PGBD5: variants seen among roughly 807,000 people sequenced by gnomAD.
PGBD5 encodes the protein piggyBac transposable element-derived protein 5.
A neutral mutation model predicts 47.9 loss-of-function variants in PGBD5; 14 were observed. The observed-to-expected ratio is 0.29, with a 90% CI of 0.19 to 0.46. PGBD5 has a LOEUF of 0.46. Among genes scored for constraint, PGBD5 ranks in the 20% least tolerant of loss-of-function variants. The probability of loss-of-function intolerance (pLI) is 1.00; values close to 1 mark genes in which losing one functional copy is unlikely to be tolerated. For synonymous variants in PGBD5, 316 were observed against 306.3 expected (o/e 1.03, Z -0.33); for missense variants, 635 against 716.0 (o/e 0.89, Z 1.29).
intron 1 of PGBD5, chr1:230,362,459 G>C (rs1667763084): frequency 8.1e-7 from 1 of 1,234,162 alleles, no homozygotes; most frequent in Admixed American, 2.7e-5. Context: ...CCGCCTCAAG[G>C]CCTGATCCTC....
At chr1:230,403,962 G>GA (rs539860127) in intron 1 of PGBD5, among the ~76,000 whole-genome samples, 6 of 150,902 alleles carry the variant, frequency 4.0e-5, no homozygotes, top group Admixed American at 1.3e-4. Context: ...TACAGAGGAG[G>GA]AAAAAAAAAG....
intron 1 of PGBD5, among the ~76,000 whole-genome samples, chr1:230,410,246 G>A (rs1006750547): frequency 6.6e-6 from 1 of 152,104 alleles, no homozygotes; most frequent in South Asian, 2.1e-4. Context: ...AAATAATACA[G>A]CAACTAAAAA....
At chr1:230,354,484 C>A (rs1667605103) in intron 2 of PGBD5, among the ~76,000 whole-genome samples, 1 of 150,958 alleles carries the variant, frequency 6.6e-6, no homozygotes, top group Non-Finnish European at 1.5e-5. Context: ...GGGGAGGGAC[C>A]TATGATCAGC....
At position 230,323,398 on chromosome 1, in the gene PGBD5, C is replaced by T; in HGVS notation, c.*27G>A. The T allele has an allele frequency of 6.2e-7, 1 of 1,602,874 alleles. No homozygotes were observed. Among genetic ancestry groups the T allele is most frequent in the African/African-American group, 1.3e-5 (1 of 74,834 alleles). On this transcript the variant is annotated 3_prime_UTR_variant, in exon 7 of 7. Coordinates refer to ENST00000391860, the MANE Select transcript of PGBD5 (RefSeq NM_001258311.2). The surrounding 1 kb of genome is among the most constrained non-coding windows in gnomAD (Gnocchi z 4.1). ...GGCTCTCCTCCTCCTCTTGCCCCTCCCTTGACCGAGTCCTGCGCCCCCAGC... is the reference window on the plus strand; with the variant it reads ...GGCTCTCCTCCTCCTCTTGCCCCTCTCTTGACCGAGTCCTGCGCCCCCAGC...
intron 1 of PGBD5, among the ~76,000 whole-genome samples, chr1:230,363,195 G>A (rs1160846099): frequency 6.6e-6 from 1 of 152,182 alleles, no homozygotes; most frequent in Non-Finnish European, 1.5e-5. Flanking sequence ...GGTCCTGGGG[G>A]CCGCTCCTGC....
intron 4 of PGBD5, among the ~76,000 whole-genome samples, chr1:230,335,160 CACACACAG>C (rs1194948047): frequency 1.9e-4 from 23 of 119,536 alleles, no homozygotes; most frequent in Admixed American, 9.3e-4. Flanking sequence ...CACATACAGA[CACACACAG>C]ACACACAGAC....
At chr1:230,328,668 T>A (rs1667162336) in intron 5 of PGBD5, among the ~76,000 whole-genome samples, 1 of 152,230 alleles carries the variant, frequency 6.6e-6, no homozygotes, top group Non-Finnish European at 1.5e-5. Context: ...GTCTTCCCAT[T>A]CTAACAGTTG....
At chr1:230,348,193 C>T (rs928250436) in intron 3 of PGBD5, among the ~76,000 whole-genome samples, 4 of 152,280 alleles carry the variant, frequency 2.6e-5, no homozygotes, top group East Asian at 3.9e-4. Context: ...TGTACAGAAC[C>T]CTACATATGA....
chr1:230,425,285 G>A lies in PGBD5; in HGVS notation c.331+313C>T, dbSNP rs1657749364. On this transcript the variant is annotated intron_variant, in intron 1 of 6. Transcript: ENST00000391860. This position sits in a 1 kb window ranked among gnomAD's most constrained non-coding sequence, Gnocchi z 4.7. ...GCCTAACTTCAATCCACCCCTAAAAGTCCGACCCACAGGTGTGACAGACTT... is the reference window on the plus strand; with the variant it reads ...GCCTAACTTCAATCCACCCCTAAAAATCCGACCCACAGGTGTGACAGACTT... Among the ~76,000 whole-genome samples, 1 of 152,156 alleles carries A rather than the reference G, an allele frequency of 6.6e-6. No individual in the cohort carries two copies. The highest frequency in any genetic ancestry group is 2.1e-4 in the South Asian group (1 of 4,834).
At chr1:230,364,493 G>C (rs148498857) in intron 1 of PGBD5, among the ~76,000 whole-genome samples, 1 of 152,238 alleles carries the variant, frequency 6.6e-6, no homozygotes, top group Non-Finnish European at 1.5e-5. Context: ...AGCTTCAGTC[G>C]CATAAATGTA....
In PGBD5 at chr1:230,319,917, G is replaced by A. The variant is rs1667011806; in HGVS notation, c.*3508C>T. 6.8e-6 allele frequency: 1 copy of A among 146,878 alleles called. No individual in the cohort carries two copies. The highest frequency in any genetic ancestry group is 1.5e-5 in the Non-Finnish European group (1 of 67,442). 9.1% of individuals were successfully genotyped at this position (146,878 alleles called of 1,614,324 possible). ...CTCGCTCTGTCACCCAGGCTGGAGTGCAGTGGTGCGATCTTGGCTCACTGC... is the reference window on the plus strand; with the variant it reads ...CTCGCTCTGTCACCCAGGCTGGAGTACAGTGGTGCGATCTTGGCTCACTGC... On this transcript the variant is annotated 3_prime_UTR_variant, in exon 7 of 7. Transcript: ENST00000391860.
chr1:230,364,343 G>A (rs1269987683), intron 1 of PGBD5, among the ~76,000 whole-genome samples: 1 of 152,224 alleles, frequency 6.6e-6, no homozygotes, highest in Non-Finnish European at 1.5e-5. Context: ...TGACCTACAT[G>A]CCTACCAATA....
At chr1:230,417,884 T>C (rs963434105) in intron 1 of PGBD5, among the ~76,000 whole-genome samples, 1 of 152,204 alleles carries the variant, frequency 6.6e-6, no homozygotes, top group East Asian at 1.9e-4. Flanking sequence ...ATCTCATCCA[T>C]TGCTGGTGGG....
chr1:230,323,644 G>T lies in PGBD5; in HGVS notation c.1380-24C>A. ...ACCTGAGGACAGAGGGAATAAGAAC[G>T]GCTGACCCGATGGTTCATGGCACCC... On this transcript the variant is annotated intron_variant, in intron 6 of 6. Transcript: ENST00000391860. The surrounding 1 kb of genome is among the most constrained non-coding windows in gnomAD (Gnocchi z 4.1). 6.3e-7 allele frequency: 1 copy of T among 1,599,786 alleles called. No individual in the cohort carries two copies. Among genetic ancestry groups the T allele is most frequent in the Non-Finnish European group, 8.5e-7 (1 of 1,171,614 alleles).
Position 230,357,662 on chromosome 1 carries a change from G to C in PGBD5, c.332-341C>G, listed in dbSNP as rs1667674822. On this transcript the variant is annotated intron_variant, in intron 1 of 6. Coordinates refer to ENST00000391860, the MANE Select transcript of PGBD5 (RefSeq NM_001258311.2). The surrounding 1 kb of genome is among the most constrained non-coding windows in gnomAD (Gnocchi z 5.7). ...ACCAGACCGGAGGACAGCCCTCGGG[G>C]GGCGCAGTCACGTGGAATCCCTGCT... 6.6e-6 allele frequency among the ~76,000 whole-genome samples: 1 copy of C among 152,182 alleles called. No homozygotes were observed. The highest frequency in any genetic ancestry group is 1.5e-5 in the Non-Finnish European group (1 of 68,042).
intron 1 of PGBD5, among the ~76,000 whole-genome samples, chr1:230,387,010 T>C (rs1178697033): frequency 6.6e-6 from 1 of 152,220 alleles, no homozygotes; most frequent in Non-Finnish European, 1.5e-5. Context: ...CCCTGCTACT[T>C]TAGGGGCCCG....
intron 1 of PGBD5, among the ~76,000 whole-genome samples, chr1:230,399,544 TCTC>T (rs1025488770): frequency 3.3e-5 from 5 of 152,082 alleles, no homozygotes; most frequent in Admixed American, 6.5e-5. Context: ...GTACATGCCA[TCTC>T]CTCGACACCC....
intron 1 of PGBD5, among the ~76,000 whole-genome samples, chr1:230,394,337 G>A (rs753826036): frequency 4.0e-5 from 6 of 151,692 alleles, no homozygotes; most frequent in Non-Finnish European, 7.4e-5. Context: ...GGCGGTTTTC[G>A]AGTATGAGGA....
intron 3 of PGBD5, among the ~76,000 whole-genome samples, chr1:230,342,579 T>C (rs923829572): frequency 6.6e-6 from 1 of 152,158 alleles, no homozygotes; most frequent in African/African-American, 2.4e-5. Flanking sequence ...GAATTGTAAA[T>C]GACAGTCACT....
Sources: gnomAD v4.1 joint callset for allele counts (sites outside exome capture counted in the v4.1 genomes callset) on GRCh38, gnomAD v4.1.1 for gene constraint, Gnocchi (gnomAD v3.1) non-coding constraint, MANE v1.5 for transcripts, NCBI Gene and HGNC (gene_info 2026-07-23, HGNC 2026-07-21) for gene names.